ZNF571: variants seen among roughly 807,000 people sequenced by gnomAD.
ZNF571 encodes zinc finger protein 571.
A neutral mutation model predicts 7.7 loss-of-function variants in ZNF571; 4 were observed. The ratio of observed to expected loss-of-function variants is 0.52; its 90% confidence interval spans 0.25 to 1.18. The LOEUF (loss-of-function observed/expected upper bound fraction) is 1.18. ZNF571 is among the 50% of genes most tolerant of loss of function. The pLI is 0.14. For synonymous variants in ZNF571, 251 were observed against 232.4 expected (o/e 1.08, Z -0.73); for missense variants, 704 against 726.9 (o/e 0.97, Z 0.36).
chr19:37,568,325 C>T (rs1172797209), intron 3 of ZNF571, among the ~76,000 whole-genome samples: 3 of 150,786 alleles, frequency 2.0e-5, no homozygotes, highest in African/African-American at 7.3e-5. Flanking sequence ...CTACCCCCCC[C>T]CACTTGCCAT....
Position 37,577,917 on chromosome 19 carries a change from T to A in ZNF571, c.136+6054A>T, listed in dbSNP as rs76685998. Among the ~76,000 whole-genome samples the A allele has an allele frequency of 7.6e-4, 116 of 152,276 alleles. 1 individual carries two copies. In the East Asian group the frequency reaches 0.018, roughly 23 times the overall value. On this transcript the variant is annotated intron_variant, in intron 3 of 3. Coordinates refer to ENST00000451802, the MANE Select transcript of ZNF571 (RefSeq NM_016536.5). ...CCACAGACCGTACTGTTTGGCAGCC[T>A]GTGGGGAACCGAACTGCAGAGCAGG...
In ZNF571 at chr19:37,586,671, G is replaced by C. The variant is rs765783294; in HGVS notation, c.6C>G (p.Pro2=). 6 of 1,613,948 alleles carry C rather than the reference G, an allele frequency of 3.7e-6. No individual in the cohort carries two copies. Among genetic ancestry groups the C allele is most frequent in the Middle Eastern group, 1.6e-4 (1 of 6,082 alleles). The change falls in exon 2 of 4, where the codon CCC becomes CCG. Residue 2 remains proline (P), a synonymous_variant. Coordinates refer to ENST00000451802, the MANE Select transcript of ZNF571 (RefSeq NM_016536.5). The stretch of plus-strand genomic sequence containing the variant: ...AAGGAAAGAAACAGCAACTCACGTG[G>C]GGCATGGTTTTTTAGAACTGATCAA... M[P]HLLVTFRDVA... is the part of the protein sequence containing the mutation.
At chr19:37,586,835 G>T in intron 1 of ZNF571, 90 bp from the exon 2 acceptor site, 1 of 758,202 alleles carries the variant, frequency 1.3e-6, no homozygotes. Context: ...TCCTCTTTTG[G>T]GAATTTGGAA....
chr19:37,589,201 A>C (rs2043789856), intron 1 of ZNF571, among the ~76,000 whole-genome samples: 1 of 14,450 alleles, frequency 6.9e-5, no homozygotes, highest in African/African-American at 1.7e-4. Context: ...ACTCCGTCTC[A>C]AAAAAAAAAA....
chr19:37,584,951 GAGA>G (rs1442565661), intron 2 of ZNF571: 23 of 140,656 alleles, frequency 1.6e-4, no homozygotes, highest in Admixed American at 1.3e-3. Flanking sequence ...GCCACAGAGC[GAGA>G]CTCCGTCTCA....
At position 37,591,309 on chromosome 19, in the gene ZNF571, A is replaced by G. The variant is rs554225518; in HGVS notation, c.-70+3432T>C. Among the ~76,000 whole-genome samples the G allele has an allele frequency of 1.0e-3, 152 of 152,308 alleles. 1 individual carries two copies. The highest frequency in any genetic ancestry group is 3.4e-3 in the Middle Eastern group (1 of 294). Reference sequence around the variant, plus strand: ...CTGCCAGAAAGCAAATAAGCTATCAACTCTACTAGAATCATGACAGAAAGA... The same window carrying G: ...CTGCCAGAAAGCAAATAAGCTATCAGCTCTACTAGAATCATGACAGAAAGA... On this transcript the variant is annotated intron_variant, in intron 1 of 3. Transcript: ENST00000451802.
intron 3 of ZNF571, among the ~76,000 whole-genome samples, chr19:37,574,876 G>T (rs186141070): frequency 2.3e-4 from 35 of 152,216 alleles, no homozygotes; most frequent in Admixed American, 2.0e-3. Flanking sequence ...AGATCAACTG[G>T]CCACAGCCAT....
At chr19:37,571,096 T>C (rs1312288716) in intron 3 of ZNF571, among the ~76,000 whole-genome samples, 1 of 152,238 alleles carries the variant, frequency 6.6e-6, no homozygotes, top group African/African-American at 2.4e-5. Flanking sequence ...CTGTAGCTCA[T>C]ACAGCATTAC....
intron 3 of ZNF571, among the ~76,000 whole-genome samples, chr19:37,574,891 C>T (rs117671753): frequency 0.018 from 2,792 of 152,272 alleles, 40 homozygotes; most frequent in Non-Finnish European, 0.031. Context: ...AGCCATGAGT[C>T]GGCCTTCATA....
rs1568339349 is a variant in ZNF571 at position 37,565,019 on chromosome 19, CCATGAATTTTCTCAT to C, written c.1394_1408del (p.His465_Gly470delinsArg). On this transcript the variant is annotated inframe_deletion, in exon 4 of 4. Coordinates refer to ENST00000451802, the MANE Select transcript of ZNF571 (RefSeq NM_016536.5). ...TTCCTTACATTCATAATGTTTCTCA[CCATGAATTTTCTCAT>C]GTTGAGTAAGATATGCAACACGAAT... The C allele has an allele frequency of 5.0e-6, 8 of 1,613,716 alleles. No homozygotes were observed. In the South Asian group the frequency reaches 8.8e-5, roughly 18 times the overall value.
At chr19:37,572,223 C>CT (rs61603066) in intron 3 of ZNF571, among the ~76,000 whole-genome samples, 152,358 of 152,358 alleles carry the variant, frequency 1, 76,179 homozygotes, top group Non-Finnish European at 1. Flanking sequence ...AGTTGTCAAT[C>CT]TATATAGAAG....
At chr19:37,572,801 C>G (rs1240953080) in intron 3 of ZNF571, among the ~76,000 whole-genome samples, 1 of 152,000 alleles carries the variant, frequency 6.6e-6, no homozygotes, top group Non-Finnish European at 1.5e-5. Context: ...TTTTACTTAC[C>G]AACTTATTTT....
rs1219728341 is a variant in ZNF571 at position 37,565,198 on chromosome 19, T to C, written c.1230A>G (p.Gln410=). 3.1e-6 allele frequency: 5 copies of C among 1,612,434 alleles called. No individual in the cohort carries two copies. The African/African-American group carries it at 5.4e-5, about 17-fold the overall frequency. ...FISNSNLIQH[Q]RIHTGEKPYK... is the part of the protein sequence containing the mutation. ...AGGGCTTCTCTCCGGTATGAATTCT[T>C]TGATGTTGAATAAGATTAGAATTAG... is the stretch of plus-strand genomic sequence containing the variant. Residue 410 remains glutamine, a synonymous_variant, in exon 4 of 4, where the codon CAA becomes CAG. Coordinates refer to ENST00000451802, the MANE Select transcript of ZNF571 (RefSeq NM_016536.5).
At chr19:37,586,832 T>G (rs1227661455) in intron 1 of ZNF571, 87 bp from the exon 2 acceptor site, 1 of 763,456 alleles carries the variant, frequency 1.3e-6, no homozygotes, top group African/African-American at 1.8e-5. Flanking sequence ...TTCTCCTCTT[T>G]TGGGAATTTG....
Position 37,584,098 on chromosome 19 carries a change from C to T in ZNF571, c.10-1G>A, listed in dbSNP as rs2043574312. 1.2e-6 allele frequency: 2 copies of T among 1,614,004 alleles called. No homozygotes were observed. Among genetic ancestry groups the T allele is most frequent in the East Asian group, 4.5e-5 (2 of 44,874 alleles). ...CCACATCCCTGAAAGTCACCAACAA[C>T]TGAAACAACAAATCCATTACAGGAT... On this transcript the variant is annotated splice_acceptor_variant, in intron 2 of 3. Transcript: ENST00000451802. LOFTEE classifies it high-confidence loss of function.
At chr19:37,584,888 C>G (rs1303589716) in intron 2 of ZNF571, among the ~76,000 whole-genome samples, 1 of 150,412 alleles carries the variant, frequency 6.6e-6, no homozygotes, top group African/African-American at 2.5e-5. Context: ...GGCGTGAACC[C>G]TGGAGGCGGA....
chr19:37,568,395 T>C (rs1305011213), intron 3 of ZNF571, among the ~76,000 whole-genome samples: 1 of 149,582 alleles, frequency 6.7e-6, no homozygotes, highest in Non-Finnish European at 1.5e-5. Flanking sequence ...TAGAACAAGA[T>C]AGACCCTGCT....
rs1011231455 is a variant in ZNF571 at position 37,564,321 on chromosome 19, C to A, written c.*277G>T. The A allele has an allele frequency of 2.5e-5, 7 of 275,290 alleles. No individual in the cohort carries two copies. The highest frequency in any genetic ancestry group is 4.7e-5 in the Non-Finnish European group (7 of 149,398). 17.1% of individuals were successfully genotyped at this position (275,290 alleles called of 1,614,324 possible). ...ATTGTAATACAATTACAGTATTTTA[C>A]AAATAGAAAAGAACACACAAGAAAT... On this transcript the variant is annotated 3_prime_UTR_variant, in exon 4 of 4. Coordinates refer to ENST00000451802, the MANE Select transcript of ZNF571 (RefSeq NM_016536.5).
rs780427863 is a variant in ZNF571 at position 37,565,310 on chromosome 19, A to G, written c.1118T>C (p.Phe373Ser). ...YECKECGKTFFRGSQLTYHLR... is the reference protein window; with the variant it reads ...YECKECGKTFSRGSQLTYHLR... ...GTGGTAAGTAAGTTGTGAGCCACGA[A>G]AAAAGGTCTTCCCGCATTCTTTACA... is the stretch of plus-strand genomic sequence containing the variant. The change falls in exon 4 of 4, where the codon TTT becomes TCT. Residue 373 changes from phenylalanine (F) to serine (S), a missense_variant. Transcript: ENST00000451802. 2 of 1,611,156 alleles carry G rather than the reference A, an allele frequency of 1.2e-6. No homozygotes were observed. Among genetic ancestry groups the G allele is most frequent in the South Asian group, 1.1e-5 (1 of 90,600 alleles).
Sources: allele counts gnomAD v4.1 joint callset (sites outside exome capture counted in the v4.1 genomes callset), GRCh38; gene constraint gnomAD v4.1.1; transcripts MANE v1.5; gene names NCBI Gene and HGNC (gene_info 2026-07-23, HGNC 2026-07-21).